DYNC2I1: variants seen among roughly 807,000 people sequenced by gnomAD.
DYNC2I1 encodes cytoplasmic dynein 2 intermediate chain 1.
In DYNC2I1, 89 loss-of-function variants were observed where a neutral mutation model predicts 133.4. The observed-to-expected ratio is 0.67, with a 90% CI of 0.56 to 0.80. DYNC2I1 has a LOEUF of 0.80. Ranked by LOEUF, DYNC2I1 falls within the 30% of genes least tolerant of loss-of-function variation. The pLI, the probability that DYNC2I1 is intolerant of heterozygous loss-of-function variation, is 0.00. For missense variants in DYNC2I1, 1,291 were observed against 1,314.5 expected, an observed-to-expected ratio of 0.98 and a Z score of 0.28; for synonymous variants, 504 against 484.3, an observed-to-expected ratio of 1.04 and a Z score of -0.54.
At chr7:158,939,028 G>T (rs1351466291) in intron 23 of DYNC2I1, among the ~76,000 whole-genome samples, 1 of 152,060 alleles carries the variant, frequency 6.6e-6, no homozygotes, top group Non-Finnish European at 1.5e-5. Flanking sequence ...ACAACTAAAA[G>T]TCAAAATGTG....
intron 3 of DYNC2I1, among the ~76,000 whole-genome samples, chr7:158,872,325 A>C (rs1842959584): frequency 1.3e-5 from 2 of 151,646 alleles, no homozygotes; most frequent in South Asian, 4.2e-4. Flanking sequence ...CAAAAGAAAA[A>C]CAAAAGCTCT....
intron 6 of DYNC2I1, among the ~76,000 whole-genome samples, chr7:158,886,288 C>T (rs142303176): frequency 9.8e-4 from 149 of 152,040 alleles, no homozygotes; most frequent in African/African-American, 3.1e-3. Flanking sequence ...CACGCCACCA[C>T]GCCTGGCTAA....
At chr7:158,862,167 T>G (rs1277359462) in intron 1 of DYNC2I1, among the ~76,000 whole-genome samples, 2 of 152,188 alleles carry the variant, frequency 1.3e-5, no homozygotes, top group Non-Finnish European at 2.9e-5. Flanking sequence ...TGAGAATTAA[T>G]GTTGGTGTCG....
At chr7:158,893,346 A>G (rs1426471302) in intron 8 of DYNC2I1, among the ~76,000 whole-genome samples, 2 of 152,154 alleles carry the variant, frequency 1.3e-5, no homozygotes, top group Non-Finnish European at 2.9e-5. Flanking sequence ...TGACAGGGTT[A>G]CATCCCAGTA....
intron 10 of DYNC2I1, chr7:158,904,950 C>A: frequency 3.7e-6 from 1 of 270,358 alleles, no homozygotes; most frequent in Non-Finnish European, 7.3e-6. Flanking sequence ...AGGGCAAGTG[C>A]AAACCAATAT....
intron 14 of DYNC2I1, among the ~76,000 whole-genome samples, chr7:158,915,164 C>T (rs570308302): frequency 1.3e-5 from 2 of 151,962 alleles, no homozygotes; most frequent in South Asian, 4.2e-4. Flanking sequence ...GAAATGTCAA[C>T]ACGCTGGTTG....
chr7:158,907,929 G>A (rs958800760), intron 11 of DYNC2I1, among the ~76,000 whole-genome samples: 4 of 152,074 alleles, frequency 2.6e-5, no homozygotes, highest in Middle Eastern at 3.4e-3. Flanking sequence ...CTAGTAATTG[G>A]TAGTTTTCTA....
At chr7:158,948,858 G>A (rs1851965965), downstream of DYNC2I1, among the ~76,000 whole-genome samples, 1 of 152,130 alleles carries the variant, frequency 6.6e-6, no homozygotes, top group Non-Finnish European at 1.5e-5. Flanking sequence ...TTTAAGTTTT[G>A]GGGCCTCACA....
chr7:158,889,988 G>A (rs1424337554), intron 7 of DYNC2I1, among the ~76,000 whole-genome samples: 1 of 143,814 alleles, frequency 7.0e-6, no homozygotes, highest in Non-Finnish European at 1.5e-5. Context: ...CCTGGGCCAC[G>A]GAGTGAGACT....
intron 13 of DYNC2I1, 79 bp downstream of exon 13, chr7:158,913,175 G>C: frequency 9.2e-7 from 1 of 1,085,702 alleles, no homozygotes; most frequent in Non-Finnish European, 1.3e-6. Context: ...TTCCCTTTCT[G>C]GTTCACTTTC....
chr7:158,908,196 T>C (rs917341648), intron 11 of DYNC2I1, among the ~76,000 whole-genome samples: 6 of 152,010 alleles, frequency 3.9e-5, no homozygotes, highest in South Asian at 2.1e-4. Context: ...CTACTAGATA[T>C]ACATTTAGTA....
At chr7:158,913,193 C>T in intron 13 of DYNC2I1, 97 bp downstream of exon 13, 1 of 953,216 alleles carries the variant, frequency 1.0e-6, no homozygotes, top group Non-Finnish European at 1.6e-6. Context: ...TTCATTTTGT[C>T]TTTCTCTTCT....
chr7:158,858,449 T>C (rs2078574471), intron 1 of DYNC2I1, among the ~76,000 whole-genome samples: 1 of 152,210 alleles, frequency 6.6e-6, no homozygotes, highest in South Asian at 2.1e-4. Flanking sequence ...TTACATTCAG[T>C]TAATGTACCA....
the DYNC2I1 span, among the ~76,000 whole-genome samples, chr7:158,841,225 T>C: frequency 1.8e-4 from 20 of 113,350 alleles, 1 homozygote; most frequent in Admixed American, 3.2e-4. Context: ...ATATATATTT[T>C]AGACAGAGTC....
chr7:158,843,902 G>A, the DYNC2I1 span, among the ~76,000 whole-genome samples: 1 of 152,032 alleles, frequency 6.6e-6, no homozygotes, highest in Non-Finnish European at 1.5e-5. Flanking sequence ...AGCAGGAGGG[G>A]AAGAAAAAAG....
chr7:158,906,782 G>T (rs188674933), intron 11 of DYNC2I1, among the ~76,000 whole-genome samples: 1 of 152,120 alleles, frequency 6.6e-6, no homozygotes, highest in Admixed American at 6.5e-5. Flanking sequence ...TTTAAAAGTG[G>T]ATTTAAAATC....
At position 158,939,957 on chromosome 7, in the gene DYNC2I1, A is replaced by G. The variant is rs1214331690; in HGVS notation, c.2779-1968A>G. 4.6e-5 allele frequency among the ~76,000 whole-genome samples: 7 copies of G among 152,324 alleles called. No homozygotes were observed. In the East Asian group the frequency reaches 1.3e-3, roughly 29 times the overall value. ...GCAAGAGGATATAACAGTTACAAGT[A>G]TCTATGTACCCAACACCAGAGCTCC... On this transcript the variant is annotated intron_variant, in intron 23 of 24. Transcript: ENST00000407559.
intron 5 of DYNC2I1, among the ~76,000 whole-genome samples, chr7:158,883,919 C>T (rs1487702967): frequency 1.3e-5 from 2 of 151,832 alleles, no homozygotes; most frequent in Non-Finnish European, 2.9e-5. Flanking sequence ...CCGCCTCGGC[C>T]TCCCAAAGTG....
In DYNC2I1 at chr7:158,945,876, A is replaced by G; in HGVS notation, c.*97A>G. The G allele has an allele frequency of 1.7e-6, 2 of 1,202,322 alleles. No individual in the cohort carries two copies. Among genetic ancestry groups the G allele is most frequent in the Middle Eastern group, 2.4e-4 (1 of 4,124 alleles). 74.5% of individuals were successfully genotyped at this position (1,202,322 alleles called of 1,614,324 possible). On this transcript the variant is annotated 3_prime_UTR_variant, in exon 25 of 25. Coordinates refer to ENST00000407559, the MANE Select transcript of DYNC2I1 (RefSeq NM_018051.5). The surrounding 1 kb of genome is among the most constrained non-coding windows in gnomAD (Gnocchi z 4.1). ...TTTGTGTGCAAGTATATTTATGTAT[A>G]TAGACTATGTATATTCTGTATATAA...
Sources: allele counts gnomAD v4.1 joint callset (sites outside exome capture counted in the v4.1 genomes callset), GRCh38; gene constraint gnomAD v4.1.1; non-coding constraint Gnocchi (gnomAD v3.1); transcripts MANE v1.5; gene names NCBI Gene and HGNC (gene_info 2026-07-23, HGNC 2026-07-21).